The following PIH1D1 variants were observed in gnomAD, a reference collection of about 807,000 sequenced individuals.
PIH1D1 encodes PIH1 domain containing 1.
PIH1D1 carries 28 observed loss-of-function variants against 38.5 expected under a neutral mutation model. That is an observed-to-expected ratio of 0.73 (90% CI 0.54 to 1.00). PIH1D1 has a LOEUF of 1.00. Among genes scored for constraint, PIH1D1 ranks in the 50% least tolerant of loss-of-function variants. The pLI, the probability that PIH1D1 is intolerant of heterozygous loss-of-function variation, is 0.00. For missense variants in PIH1D1, 343 were observed against 369.9 expected, an observed-to-expected ratio of 0.93 and a Z score of 0.60; for synonymous variants, 155 against 153.5, an observed-to-expected ratio of 1.01 and a Z score of -0.07.
At chr19:49,447,607 C>T (rs2079032290) in intron 5 of PIH1D1, 140 bp from the exon 6 acceptor site, 3 of 1,082,620 alleles carry the variant, frequency 2.8e-6, no homozygotes, top group African/African-American at 1.6e-5. Flanking sequence ...CTCCAGGAAG[C>T]CCGCCCACCT....
intron 3 of PIH1D1, chr19:49,448,270 G>A (rs999638387): frequency 1.0e-5 from 6 of 594,348 alleles, no homozygotes; most frequent in African/African-American, 1.9e-5. Context: ...TCAGTGTGAT[G>A]TCACTAGAGT....
At position 49,447,272 on chromosome 19, in the gene PIH1D1, G is replaced by A. The variant is rs943988357; in HGVS notation, c.611+66C>T. 4 of 1,594,608 alleles carry A rather than the reference G, an allele frequency of 2.5e-6. No homozygotes were observed. The African/African-American group carries it at 4.0e-5, about 16-fold the overall frequency. On this transcript the variant is annotated intron_variant, in intron 6 of 8. Transcript: ENST00000262265. ...CCCCAGGACATCACCCAGTGTGGGA[G>A]GATGGAGGGAGGGATTCCCAAGAGC...
At position 49,447,361 on chromosome 19, in the gene PIH1D1, G is replaced by A. The variant is rs754812438; in HGVS notation, c.588C>T (p.Pro196=). 3.7e-5 allele frequency: 60 copies of A among 1,613,756 alleles called. No homozygotes were observed. Among genetic ancestry groups the A allele is most frequent in the Non-Finnish European group, 4.9e-5 (58 of 1,179,974 alleles). ...RIQELGDLYT[P]APGRAESGPE... is the part of the protein sequence containing the mutation. ...ACCCTGACTCAGCTCTCCCGGGGGC[G>A]GGCGTGTACAGGTCCCCCAGCTCCT... Residue 196 remains proline, a synonymous_variant, in exon 6 of 9, where the codon CCC becomes CCT. Transcript: ENST00000262265.
chr19:49,447,365 G>A lies in PIH1D1; in HGVS notation c.584C>T (p.Thr195Met), dbSNP rs373879194. 1.1e-5 allele frequency: 18 copies of A among 1,613,732 alleles called. No individual in the cohort carries two copies. The African/African-American group carries it at 1.3e-4, about 12-fold the overall frequency. Residue 195 changes from threonine (T) to methionine (M), a missense_variant, in exon 6 of 9, where the codon ACG (threonine) becomes ATG (methionine). Transcript: ENST00000262265. ...PRIQELGDLY[T>M]PAPGRAESGP... ...TGACTCAGCTCTCCCGGGGGCGGGC[G>A]TGTACAGGTCCCCCAGCTCCTGGAT...
intron 3 of PIH1D1, 97 bp from the exon 4 acceptor site, chr19:49,448,159 G>A (rs1289888930): frequency 8.2e-6 from 10 of 1,225,784 alleles, no homozygotes; most frequent in Non-Finnish European, 1.2e-5. Context: ...GACAGCGGCC[G>A]TAAGAAGCAG....
rs1302297860 is a variant in PIH1D1 at position 49,449,487 on chromosome 19, C to G, written c.325G>C (p.Glu109Gln). Residue 109 changes from glutamate (E) to glutamine (Q), a missense_variant, in exon 3 of 9, where the codon GAA (glutamate) becomes CAA (glutamine). Glu to Gln is a conservative substitution (Grantham distance 29). Transcript: ENST00000262265. ...IPMSLGEPHAELDAKGQGCTA... is the reference protein window; with the variant it reads ...IPMSLGEPHAQLDAKGQGCTA... The stretch of plus-strand genomic sequence containing the variant: ...TGAGGGCACTGACTTGCATCCAGTT[C>G]TGCATGAGGCTCTCCCAGACTCATG... 1.2e-6 allele frequency: 2 copies of G among 1,614,062 alleles called. No homozygotes were observed. Among genetic ancestry groups the G allele is most frequent in the Non-Finnish European group, 1.7e-6 (2 of 1,180,018 alleles).
At chr19:49,448,132 G>A (rs1568640862) in intron 3 of PIH1D1, 70 bp from the exon 4 acceptor site, 1 of 1,479,620 alleles carries the variant, frequency 6.8e-7, no homozygotes, top group East Asian at 2.3e-5. Context: ...GACCCAGACA[G>A]GGAAGAAACA....
intron 2 of PIH1D1, 86 bp downstream of exon 2, chr19:49,450,696 C>CCCCCCT: frequency 1.6e-6 from 1 of 616,498 alleles, no homozygotes; most frequent in Non-Finnish European, 2.5e-6. Flanking sequence ...CCACCCTAGG[C>CCCCCCT]CTTTATTTTC....
At chr19:49,447,003 G>C in intron 7 of PIH1D1, 21 bp downstream of exon 7, 1 of 1,592,400 alleles carries the variant, frequency 6.3e-7, no homozygotes, top group South Asian at 1.1e-5. Context: ...CCCCTGCTCT[G>C]GTCCAGCGCG....
intron 3 of PIH1D1, chr19:49,449,023 C>G (rs533101309): frequency 6.2e-6 from 2 of 324,244 alleles, no homozygotes; most frequent in African/African-American, 4.3e-5. Flanking sequence ...GAAACCCCGT[C>G]TCTATTAAAA....
Position 49,447,863 on chromosome 19 carries a change from C to T in PIH1D1, c.445G>A (p.Gly149Ser), listed in dbSNP as rs1568640621. 1.2e-6 allele frequency: 2 copies of T among 1,614,186 alleles called. No individual in the cohort carries two copies. Among genetic ancestry groups the T allele is most frequent in the Non-Finnish European group, 1.7e-6 (2 of 1,180,022 alleles). Reference protein sequence around the residue: ...RELVITIAREGLEDKYNLQLN... With the variant: ...RELVITIARESLEDKYNLQLN... ...TGCAAGTTGTATTTGTCCTCAAGGC[C>T]CTCCCTGGCGATGGTGATCACGAGC... Residue 149 changes from glycine (G) to serine (S), a missense_variant, in exon 5 of 9, where the codon GGC becomes AGC. Gly to Ser is a moderately conservative substitution (Grantham distance 56, BLOSUM62 0). Coordinates refer to ENST00000262265, the MANE Select transcript of PIH1D1 (RefSeq NM_017916.3).
At position 49,451,764 on chromosome 19, in the gene PIH1D1, A is replaced by T; in HGVS notation, c.-190T>A. On this transcript the variant is annotated 5_prime_UTR_variant, in exon 1 of 9. Transcript: ENST00000262265. ...AACACCATCGTCAAATCCGTGGGGA[A>T]TATGTGTCTCTAGACGCACTACCCT... is the stretch of plus-strand genomic sequence containing the variant. The T allele has an allele frequency of 1.4e-6, 2 of 1,409,482 alleles. No homozygotes were observed. The highest frequency in any genetic ancestry group is 1.9e-4 in the Middle Eastern group (1 of 5,376). 87.3% of individuals were successfully genotyped at this position (1,409,482 alleles called of 1,614,324 possible).
chr19:49,450,707 G>C (rs1373567092), intron 2 of PIH1D1, 75 bp downstream of exon 2: 3 of 349,814 alleles, frequency 8.6e-6, no homozygotes, highest in Non-Finnish European at 1.3e-5. Flanking sequence ...CTTTATTTTC[G>C]TGTCTCTTTC....
chr19:49,450,088 G>C (rs1285749763), intron 2 of PIH1D1, among the ~76,000 whole-genome samples: 2 of 150,192 alleles, frequency 1.3e-5, no homozygotes, highest in African/African-American at 4.9e-5. Context: ...TCTCTTCTTT[G>C]TTTTCTCCTT....
chr19:49,449,684 C>A (rs2079046207), intron 2 of PIH1D1, 30 bp from the exon 3 acceptor site: 1 of 1,578,998 alleles, frequency 6.3e-7, no homozygotes, highest in East Asian at 2.3e-5. Flanking sequence ...CATGACAATC[C>A]TTTTCTGCAC....
At chr19:49,448,987 T>G (rs951378138) in intron 3 of PIH1D1, 1 of 303,570 alleles carries the variant, frequency 3.3e-6, no homozygotes, top group Non-Finnish European at 6.5e-6. Flanking sequence ...AGGTCAGGAG[T>G]CTGAGACCAG....
intron 3 of PIH1D1, chr19:49,448,424 C>A (rs1601001105): frequency 9.5e-6 from 3 of 315,498 alleles, no homozygotes. Context: ...CTTCTAGCAA[C>A]CTCGGCCCAC....
chr19:49,451,025 C>CA, intron 1 of PIH1D1, 177 bp from the exon 2 acceptor site: 2 of 548,748 alleles, frequency 3.6e-6, no homozygotes, highest in Non-Finnish European at 5.1e-6. Flanking sequence ...ATTCCCATTT[C>CA]TTTTTTTTTT....
At position 49,451,814 on chromosome 19, in the gene PIH1D1, C is replaced by A. The variant is rs965000036; in HGVS notation, c.-240G>T. On this transcript the variant is annotated 5_prime_UTR_variant, in exon 1 of 9. Coordinates refer to ENST00000262265, the MANE Select transcript of PIH1D1 (RefSeq NM_017916.3). ...TCCGTCCTACGTGCCGAACTGTAAA[C>A]GAAGCCACACTTCCGGTCTATCGGT... The A allele has an allele frequency of 8.4e-7, 1 of 1,191,366 alleles. No individual in the cohort carries two copies. The allele number at this position is 1,191,366 out of a possible 1,614,324, so 73.8% of individuals were successfully genotyped here. A position where few individuals can be genotyped will look rare whatever the true frequency, so the allele number is the denominator to read the frequency against.
Sources: allele counts gnomAD v4.1 joint callset (sites outside exome capture counted in the v4.1 genomes callset), GRCh38; gene constraint gnomAD v4.1.1; transcripts MANE v1.5; gene names NCBI Gene and HGNC (gene_info 2026-07-23, HGNC 2026-07-21).